Variants in LDB2 observed in about 807,000 individuals in gnomAD.
The protein encoded by LDB2 is LIM domain-binding protein 2.
LDB2 carries 12 observed loss-of-function variants against 44.3 expected under a neutral mutation model. That is an observed-to-expected ratio of 0.27 (90% CI 0.17 to 0.44). The LOEUF (loss-of-function observed/expected upper bound fraction) is 0.44, where lower values mean the gene tolerates loss of function less well. LDB2 is among the 20% of genes least tolerant of loss of function. The pLI is 1.00. For synonymous variants in LDB2, 164 were observed against 174.8 expected, an observed-to-expected ratio of 0.94 and a Z score of 0.49; for missense variants, 344 against 473.5, an observed-to-expected ratio of 0.73 and a Z score of 2.54.
chr4:16,521,251 C>T (rs894760301), intron 5 of LDB2, among the ~76,000 whole-genome samples: 5 of 152,130 alleles, frequency 3.3e-5, no homozygotes, highest in Admixed American at 6.5e-5. Flanking sequence ...GCCGAGCTCC[C>T]TCTGAAGGCT....
chr4:16,835,453 T>C (rs1477128359), intron 1 of LDB2, among the ~76,000 whole-genome samples: 1 of 152,250 alleles, frequency 6.6e-6, no homozygotes, highest in Non-Finnish European at 1.5e-5. Context: ...CATGCATCAG[T>C]CATTCATTCC....
chr4:16,651,307 A>T (rs1738204229), intron 2 of LDB2: 1 of 152,262 alleles, frequency 6.6e-6, no homozygotes, highest in South Asian at 2.1e-4. Flanking sequence ...TTGCAACTCC[A>T]AAGTCCAGGA....
At chr4:16,616,654 C>T (rs1040703438) in intron 2 of LDB2, among the ~76,000 whole-genome samples, 9 of 149,290 alleles carry the variant, frequency 6.0e-5, no homozygotes, top group African/African-American at 1.7e-4. Flanking sequence ...TTGAGGCTGC[C>T]CTGGTGCTGT....
At chr4:16,691,028 T>C (rs1054556511) in intron 2 of LDB2, among the ~76,000 whole-genome samples, 4 of 152,134 alleles carry the variant, frequency 2.6e-5, no homozygotes, top group Non-Finnish European at 5.9e-5. Flanking sequence ...CCAGGCAATT[T>C]ATGTTCTTTA....
chr4:16,547,480 G>C (rs1469149558), intron 5 of LDB2, among the ~76,000 whole-genome samples: 2 of 152,164 alleles, frequency 1.3e-5, no homozygotes, highest in Non-Finnish European at 2.9e-5. Context: ...CCCAATTTTA[G>C]AGCTTCAGCC....
chr4:16,644,641 G>A (rs1434407376), intron 2 of LDB2, among the ~76,000 whole-genome samples: 1 of 152,064 alleles, frequency 6.6e-6, no homozygotes, highest in Non-Finnish European at 1.5e-5. Flanking sequence ...TGTTGGCCAG[G>A]CTAGTCTTGA....
intron 2 of LDB2, among the ~76,000 whole-genome samples, chr4:16,713,264 C>T (rs984980099): frequency 2.0e-5 from 3 of 152,172 alleles, no homozygotes; most frequent in African/African-American, 7.2e-5. Flanking sequence ...AATTGTGGTG[C>T]TAGTTGCACA....
At chr4:16,532,008 G>A (rs1293357002) in intron 5 of LDB2, among the ~76,000 whole-genome samples, 1 of 142,398 alleles carries the variant, frequency 7.0e-6, no homozygotes, top group Non-Finnish European at 1.5e-5. Context: ...CTTTTTCTGA[G>A]GTTTCATTCT....
intron 1 of LDB2, among the ~76,000 whole-genome samples, chr4:16,855,060 C>T (rs1276657155): frequency 2.6e-5 from 4 of 151,976 alleles, no homozygotes; most frequent in South Asian, 4.2e-4. Flanking sequence ...GAAGGAAATG[C>T]CTACAAAATA....
intron 1 of LDB2, among the ~76,000 whole-genome samples, chr4:16,801,506 G>A (rs1406591798): frequency 6.6e-6 from 1 of 152,144 alleles, no homozygotes; most frequent in Non-Finnish European, 1.5e-5. Flanking sequence ...AGGGCAAGCA[G>A]ACTCATACTG....
At chr4:16,846,780 G>C (rs1787099738) in intron 1 of LDB2, among the ~76,000 whole-genome samples, 3 of 152,142 alleles carry the variant, frequency 2.0e-5, no homozygotes, top group African/African-American at 7.2e-5. Context: ...AGATGCCAAA[G>C]CCAAATCACA....
chr4:16,609,140 C>T (rs756928457), intron 2 of LDB2, among the ~76,000 whole-genome samples: 5 of 152,124 alleles, frequency 3.3e-5, no homozygotes, highest in African/African-American at 4.8e-5. Flanking sequence ...CTGAGGGCCA[C>T]ACAGGGAAGG....
At chr4:16,503,398 T>C (rs1482492695) in intron 7 of LDB2, among the ~76,000 whole-genome samples, 1 of 152,220 alleles carries the variant, frequency 6.6e-6, no homozygotes, top group Non-Finnish European at 1.5e-5. Context: ...ACATTTTAAT[T>C]GAAGACAGAA....
intron 1 of LDB2, among the ~76,000 whole-genome samples, chr4:16,890,273 C>A (rs1413394758): frequency 6.6e-6 from 1 of 152,152 alleles, no homozygotes. Flanking sequence ...TGAGAGGAAG[C>A]AGGAGAGTCA....
intron 1 of LDB2, among the ~76,000 whole-genome samples, chr4:16,772,057 G>C (rs936509022): frequency 1.3e-5 from 2 of 152,048 alleles, no homozygotes; most frequent in African/African-American, 4.8e-5. Context: ...CTTCCTTCGG[G>C]CCCAGGGCTG....
intron 1 of LDB2, among the ~76,000 whole-genome samples, chr4:16,843,952 T>G (rs1004561591): frequency 1.3e-5 from 2 of 151,908 alleles, no homozygotes; most frequent in African/African-American, 4.8e-5. Flanking sequence ...GGAGTTTGCT[T>G]TCCCTATTAA....
chr4:16,840,389 A>C (rs1291949624), intron 1 of LDB2, among the ~76,000 whole-genome samples: 2 of 152,250 alleles, frequency 1.3e-5, no homozygotes, highest in African/African-American at 4.8e-5. Context: ...GAACCTAATC[A>C]CAAATACACA....
At chr4:16,819,835 T>C (rs1489556368) in intron 1 of LDB2, among the ~76,000 whole-genome samples, 1 of 152,182 alleles carries the variant, frequency 6.6e-6, no homozygotes, top group African/African-American at 2.4e-5. Flanking sequence ...ATTCAGCAGT[T>C]CTACAAATGT....
intron 2 of LDB2, among the ~76,000 whole-genome samples, chr4:16,623,731 G>A (rs1466143206): frequency 6.6e-6 from 1 of 151,672 alleles, no homozygotes; most frequent in Non-Finnish European, 1.5e-5. Flanking sequence ...AAAATGCATG[G>A]CTTGAAAGCT....
Sources: gnomAD v4.1 joint callset for allele counts (sites outside exome capture counted in the v4.1 genomes callset) on GRCh38, gnomAD v4.1.1 for gene constraint, MANE v1.5 for transcripts, NCBI Gene and HGNC (gene_info 2026-07-23, HGNC 2026-07-21) for gene names.